The following NKAIN2 variants were observed in gnomAD, a reference collection of about 807,000 sequenced individuals.
NKAIN2 encodes sodium/potassium transporting ATPase interacting 2.
In NKAIN2, 14 loss-of-function variants were observed where a neutral mutation model predicts 32.6. The observed-to-expected ratio is 0.43, with a 90% CI of 0.28 to 0.67. The LOEUF (loss-of-function observed/expected upper bound fraction) is 0.67. Ranked by LOEUF, NKAIN2 falls within the 30% of genes least tolerant of loss-of-function variation. The pLI, the probability that NKAIN2 is intolerant of heterozygous loss-of-function variation, is 0.17. For missense variants in NKAIN2, 198 were observed against 258.3 expected (o/e 0.77, Z 1.60); for synonymous variants, 80 against 87.2 (o/e 0.92, Z 0.46).
intron 1 of NKAIN2, among the ~76,000 whole-genome samples, chr6:124,144,341 T>C (rs533843137): frequency 8.8e-4 from 134 of 152,306 alleles, no homozygotes; most frequent in Non-Finnish European, 1.4e-3. Context: ...CAGTCATTAG[T>C]GGTAATGTCA....
chr6:123,970,173 G>T (rs1778275524), intron 1 of NKAIN2, among the ~76,000 whole-genome samples: 1 of 151,962 alleles, frequency 6.6e-6, no homozygotes, highest in African/African-American at 2.4e-5. Context: ...ATCAAATTCA[G>T]CCTAGTAGTT....
At chr6:124,078,786 TTGTGTGTGTG>T (rs71021477) in intron 1 of NKAIN2, among the ~76,000 whole-genome samples, 45 of 144,730 alleles carry the variant, frequency 3.1e-4, no homozygotes, top group East Asian at 1.2e-3. Context: ...TATGTCGTTT[TTGTGTGTGTG>T]TGTGTGTGTG....
chr6:124,307,720 A>G (rs1256120494), intron 2 of NKAIN2, among the ~76,000 whole-genome samples: 1 of 152,204 alleles, frequency 6.6e-6, no homozygotes, highest in Non-Finnish European at 1.5e-5. Flanking sequence ...GGAATTATTT[A>G]TTAAAATATG....
In NKAIN2 at chr6:124,673,617, T is replaced by C. The variant is rs146891889; in HGVS notation, c.474+15231T>C. Among the ~76,000 whole-genome samples the C allele has an allele frequency of 4.0e-3, 610 of 152,176 alleles. 2 individuals are homozygous for C. The highest frequency in any genetic ancestry group is 0.02 in the Middle Eastern group (6 of 294). On this transcript the variant is annotated intron_variant, in intron 4 of 6. Coordinates refer to ENST00000368417, the MANE Select transcript of NKAIN2 (RefSeq NM_001040214.3). Reference sequence around the variant, plus strand: ...AGGTGATATCTCACTGTGGTTTTGATTTGTATTTCCCGGATGATTAGTGAT... The same window carrying C: ...AGGTGATATCTCACTGTGGTTTTGACTTGTATTTCCCGGATGATTAGTGAT...
intron 4 of NKAIN2, among the ~76,000 whole-genome samples, chr6:124,762,716 G>A (rs1778327925): frequency 6.6e-6 from 1 of 152,266 alleles, no homozygotes; most frequent in East Asian, 1.9e-4. Context: ...GAAAAGTGAA[G>A]GGAATAAATT....
At chr6:124,132,849 G>A (rs983232841) in intron 1 of NKAIN2, among the ~76,000 whole-genome samples, 7 of 152,192 alleles carry the variant, frequency 4.6e-5, no homozygotes, top group Admixed American at 2.0e-4. Flanking sequence ...AGGCCTGGAA[G>A]AGCAATAATA....
intron 1 of NKAIN2, among the ~76,000 whole-genome samples, chr6:123,978,135 G>T (rs1485413088): frequency 6.6e-6 from 1 of 151,868 alleles, no homozygotes; most frequent in Non-Finnish European, 1.5e-5. Context: ...TGGAATTAAG[G>T]CATTTTGTTT....
intron 1 of NKAIN2, among the ~76,000 whole-genome samples, chr6:123,818,374 CACACA>C (rs1773788454): frequency 6.6e-6 from 1 of 151,296 alleles, no homozygotes; most frequent in East Asian, 1.9e-4. Context: ...CACACACACA[CACACA>C]CACACACACA....
At chr6:124,238,321 G>A (rs1452389306) in intron 1 of NKAIN2, among the ~76,000 whole-genome samples, 1 of 152,024 alleles carries the variant, frequency 6.6e-6, no homozygotes, top group African/African-American at 2.4e-5. Context: ...ACTTTTTAAT[G>A]TTCTTGGCTG....
intron 1 of NKAIN2, among the ~76,000 whole-genome samples, chr6:124,026,362 ATTG>A: frequency 6.8e-6 from 1 of 146,446 alleles, no homozygotes; most frequent in Middle Eastern, 3.6e-3. Context: ...AAATTAGTGA[ATTG>A]CAGGGCTGTC....
At chr6:123,887,521 G>C (rs1773783768) in intron 1 of NKAIN2, among the ~76,000 whole-genome samples, 1 of 152,158 alleles carries the variant, frequency 6.6e-6, no homozygotes. Flanking sequence ...AGGTCGAGCT[G>C]TGTCCTTTTC....
intron 3 of NKAIN2, among the ~76,000 whole-genome samples, chr6:124,611,817 C>T (rs574826438): frequency 8.5e-5 from 13 of 152,270 alleles, no homozygotes; most frequent in African/African-American, 2.9e-4. Flanking sequence ...TTAAGTGTGA[C>T]TCCGCCTTGA....
chr6:124,703,930 A>G (rs1358776453), intron 4 of NKAIN2, among the ~76,000 whole-genome samples: 1 of 152,012 alleles, frequency 6.6e-6, no homozygotes, highest in Non-Finnish European at 1.5e-5. Flanking sequence ...TATATCTGCC[A>G]TCTGAAATGT....
At position 124,093,170 on chromosome 6, in the gene NKAIN2, G is replaced by A. The variant is rs59542002; in HGVS notation, c.55-189835G>A. 9.8e-3 allele frequency among the ~76,000 whole-genome samples: 1,498 copies of A among 152,180 alleles called. 19 individuals carry two copies. Among genetic ancestry groups the A allele is most frequent in the African/African-American group, 0.034 (1,429 of 41,540 alleles). On this transcript the variant is annotated intron_variant, in intron 1 of 6. Transcript: ENST00000368417. ...TCCTGAAATTCAAGTTTGATTTGGT[G>A]TATATATCTATGGGGAAGACAACCA...
intron 3 of NKAIN2, among the ~76,000 whole-genome samples, chr6:124,594,890 A>T (rs28547193): frequency 6.6e-6 from 1 of 152,014 alleles, no homozygotes; most frequent in Admixed American, 6.6e-5. Flanking sequence ...CTGTCACAGG[A>T]GGGAAGGTGG....
intron 5 of NKAIN2, among the ~76,000 whole-genome samples, chr6:124,795,083 T>C (rs944277240): frequency 1.3e-5 from 2 of 152,194 alleles, no homozygotes; most frequent in African/African-American, 4.8e-5. Flanking sequence ...TAATGCATCA[T>C]TATTTGCAGT....
At chr6:124,411,932 T>C (rs900819073) in intron 3 of NKAIN2, among the ~76,000 whole-genome samples, 1 of 152,182 alleles carries the variant, frequency 6.6e-6, no homozygotes, top group African/African-American at 2.4e-5. Context: ...TCATTCATTT[T>C]GTCTTCCATC....
intron 1 of NKAIN2, among the ~76,000 whole-genome samples, chr6:124,278,510 A>T (rs1795138498): frequency 6.6e-6 from 1 of 151,584 alleles, no homozygotes; most frequent in Non-Finnish European, 1.5e-5. Context: ...CTATATTAAC[A>T]ATTACCATTA....
chr6:124,297,923 T>A (rs1796129732), intron 2 of NKAIN2, among the ~76,000 whole-genome samples: 1 of 152,308 alleles, frequency 6.6e-6, no homozygotes, highest in South Asian at 2.1e-4. Context: ...TGCATCTGCT[T>A]TTATACAAGT....
Sources: allele counts gnomAD v4.1 joint callset (sites outside exome capture counted in the v4.1 genomes callset), GRCh38; gene constraint gnomAD v4.1.1; transcripts MANE v1.5; gene names NCBI Gene and HGNC (gene_info 2026-07-23, HGNC 2026-07-21).